The following DLG2 variants were observed in gnomAD, a reference collection of about 807,000 sequenced individuals.
DLG2 encodes disks large homolog 2.
In DLG2, 45 loss-of-function variants were observed where a neutral mutation model predicts 132.5. That is an observed-to-expected ratio of 0.34 (90% confidence interval 0.27 to 0.44). The LOEUF is 0.44. DLG2 is among the 20% of genes least tolerant of loss of function. The probability of loss-of-function intolerance (pLI) is 1.00; values close to 1 mark genes in which losing one functional copy is unlikely to be tolerated. For missense variants in DLG2, 1,045 were observed against 1,196.9 expected, an observed-to-expected ratio of 0.87 and a Z score of 1.87; for synonymous variants, 424 against 419.6, an observed-to-expected ratio of 1.01 and a Z score of -0.13.
chr11:83,822,860 T>G (rs7108986), intron 17 of DLG2, among the ~76,000 whole-genome samples: 3,544 of 152,188 alleles, frequency 0.023, 138 homozygotes, highest in African/African-American at 0.081. Context: ...CAAGCTCCCA[T>G]CAGGTATATT....
intron 7 of DLG2, among the ~76,000 whole-genome samples, chr11:84,495,706 C>T (rs545037361): frequency 6.6e-6 from 1 of 152,282 alleles, no homozygotes; most frequent in East Asian, 1.9e-4. Flanking sequence ...CCTGCATTAA[C>T]ACTAACCATA....
intron 6 of DLG2, among the ~76,000 whole-genome samples, chr11:84,623,321 T>C (rs984720726): frequency 4.9e-4 from 74 of 152,206 alleles, no homozygotes; most frequent in African/African-American, 1.8e-3. Flanking sequence ...ACAAACTTGC[T>C]CCCTCCCTAT....
intron 11 of DLG2, among the ~76,000 whole-genome samples, chr11:84,048,297 A>G (rs932389747): frequency 6.6e-6 from 1 of 151,598 alleles, no homozygotes; most frequent in Non-Finnish European, 1.5e-5. Context: ...TTTTATTCCA[A>G]TAGAAGGTTG....
At chr11:85,364,004 G>T (rs1228184814) in intron 3 of DLG2, among the ~76,000 whole-genome samples, 1 of 152,130 alleles carries the variant, frequency 6.6e-6, no homozygotes, top group African/African-American at 2.4e-5. Context: ...ATTAATAGAA[G>T]ATTTGTCAGA....
chr11:84,852,917 C>T (rs767676081), intron 6 of DLG2, among the ~76,000 whole-genome samples: 2 of 151,906 alleles, frequency 1.3e-5, no homozygotes, highest in Admixed American at 6.6e-5. Context: ...AACCTCCACA[C>T]AGACCAAATT....
chr11:83,604,788 G>T (rs868739651), intron 19 of DLG2, among the ~76,000 whole-genome samples: 2 of 152,006 alleles, frequency 1.3e-5, no homozygotes, highest in Non-Finnish European at 2.9e-5. Context: ...TCTCAATTTT[G>T]CTGTGAACCT....
intron 6 of DLG2, among the ~76,000 whole-genome samples, chr11:84,876,158 C>T (rs189228894): frequency 1.6e-3 from 245 of 152,308 alleles, no homozygotes; most frequent in Middle Eastern, 3.4e-3. Context: ...TACCCAAGAA[C>T]GCACAGCTAA....
chr11:84,740,686 T>G (rs1477325624), intron 6 of DLG2, among the ~76,000 whole-genome samples: 1 of 152,128 alleles, frequency 6.6e-6, no homozygotes, highest in Non-Finnish European at 1.5e-5. Context: ...GAACCCAGAA[T>G]CAACTGTGAC....
intron 3 of DLG2, among the ~76,000 whole-genome samples, chr11:85,299,032 G>A (rs192937659): frequency 6.6e-6 from 1 of 152,248 alleles, no homozygotes; most frequent in Admixed American, 6.5e-5. Flanking sequence ...CTTTGTGGTT[G>A]TCTAGATGCA....
At chr11:85,319,794 A>G (rs1297397335) in intron 3 of DLG2, among the ~76,000 whole-genome samples, 1 of 151,860 alleles carries the variant, frequency 6.6e-6, no homozygotes, top group East Asian at 1.9e-4. Context: ...AGGAGATATA[A>G]GTCTTAAAAT....
intron 6 of DLG2, among the ~76,000 whole-genome samples, chr11:84,949,087 G>C (rs1056167209): frequency 6.6e-6 from 1 of 152,126 alleles, no homozygotes; most frequent in Non-Finnish European, 1.5e-5. Flanking sequence ...GCGTCGGCTG[G>C]CTTGAGAAAT....
intron 6 of DLG2, among the ~76,000 whole-genome samples, chr11:84,563,062 C>G (rs188233858): frequency 6.6e-6 from 1 of 152,268 alleles, no homozygotes; most frequent in East Asian, 1.9e-4. Flanking sequence ...ACTCCATTTA[C>G]GTAAGTTTAT....
Position 84,934,510 on chromosome 11 carries a change from TTTTTGTTTTG to T in DLG2, c.357+177141_357+177150del, listed in dbSNP as rs1190697173. 6.3e-5 allele frequency among the ~76,000 whole-genome samples: 5 copies of T among 79,396 alleles called. 1 individual carries two copies. The highest frequency in any genetic ancestry group is 2.9e-4 in the African/African-American group (4 of 14,004). The allele number at this position is 79,396 out of a possible 152,430, so 52.1% of individuals were successfully genotyped here. A position where few individuals can be genotyped will look rare whatever the true frequency, so the allele number is the denominator to read the frequency against. On this transcript the variant is annotated intron_variant, in intron 6 of 27. Transcript: ENST00000376104. ...AATCTGTATGGTCCTGGGTGTTTTT[TTTTTGTTTTG>T]TTTTGTTTTTTTTTTTTTTTTTTTT...
intron 18 of DLG2, among the ~76,000 whole-genome samples, chr11:83,693,375 A>G (rs2081320968): frequency 6.6e-6 from 1 of 152,116 alleles, no homozygotes; most frequent in Non-Finnish European, 1.5e-5. Context: ...ACTTTGGGGA[A>G]GCAGAGTCCT....
intron 7 of DLG2, among the ~76,000 whole-genome samples, chr11:84,406,180 AT>A (rs1430386894): frequency 6.6e-6 from 1 of 152,094 alleles, no homozygotes; most frequent in African/African-American, 2.4e-5. Flanking sequence ...TTAACCCCTG[AT>A]TACCTGAATA....
intron 19 of DLG2, among the ~76,000 whole-genome samples, chr11:83,604,133 A>C (rs984524946): frequency 2.0e-5 from 3 of 152,202 alleles, no homozygotes; most frequent in African/African-American, 7.2e-5. Context: ...AACTAAACTA[A>C]ACTAAATTAA....
intron 6 of DLG2, among the ~76,000 whole-genome samples, chr11:84,777,872 G>C (rs1339604362): frequency 6.6e-6 from 1 of 152,118 alleles, no homozygotes; most frequent in Non-Finnish European, 1.5e-5. Flanking sequence ...TGGATGAATA[G>C]TTTATAAATA....
intron 18 of DLG2, among the ~76,000 whole-genome samples, chr11:83,676,338 C>T (rs1014038913): frequency 7.2e-5 from 11 of 152,118 alleles, no homozygotes; most frequent in Non-Finnish European, 1.6e-4. Context: ...AAAGGGATTT[C>T]TTAACAATAT....
At chr11:85,113,029 C>A (rs1402608018) in intron 5 of DLG2, among the ~76,000 whole-genome samples, 1 of 152,006 alleles carries the variant, frequency 6.6e-6, no homozygotes, top group Non-Finnish European at 1.5e-5. Context: ...ATTTTTAAGG[C>A]ATCACTAAGC....
Sources: allele counts gnomAD v4.1 joint callset (sites outside exome capture counted in the v4.1 genomes callset), GRCh38; gene constraint gnomAD v4.1.1; transcripts MANE v1.5; gene names NCBI Gene and HGNC (gene_info 2026-07-23, HGNC 2026-07-21).